The following KALRN variants were observed in gnomAD, a reference collection of about 807,000 sequenced individuals.
KALRN encodes kalirin RhoGEF kinase, also known as kalirin.
In KALRN, 70 loss-of-function variants were observed where a neutral mutation model predicts 353.7. The ratio of observed to expected loss-of-function variants is 0.20; its 90% CI spans 0.16 to 0.24. KALRN has a LOEUF of 0.24. Ranked by LOEUF, KALRN falls within the 10% of genes least tolerant of loss-of-function variation. The pLI, the probability that KALRN is intolerant of heterozygous loss-of-function variation, is 1.00. For missense variants in KALRN, 2,791 were observed against 3,756.7 expected, an observed-to-expected ratio of 0.74 and a Z score of 6.72; for synonymous variants, 1,391 against 1,434.8, an observed-to-expected ratio of 0.97 and a Z score of 0.69.
intron 36 of KALRN, among the ~76,000 whole-genome samples, chr3:124,634,565 C>T (rs1004149297): frequency 1.3e-5 from 2 of 152,184 alleles, no homozygotes; most frequent in African/African-American, 4.8e-5. Flanking sequence ...CTCCAGTCAC[C>T]CGGTGATCAT....
rs773926769 is a variant in KALRN, at chr3:124,650,955, G to T, written c.5795+17G>T. ...AGGCAGGATGTAAGTGGCTTCCCCA[G>T]TTCCTCCCTGTGGTGCACATGTGAG... On this transcript the variant is annotated intron_variant, in intron 38 of 59. Transcript: ENST00000682506. 6.2e-6 allele frequency: 10 copies of T among 1,613,570 alleles called. No individual in the cohort carries two copies. Among genetic ancestry groups the T allele is most frequent in the Admixed American group, 1.7e-5 (1 of 59,984 alleles).
chr3:124,711,472 T>C (rs2062884900), intron 57 of KALRN, among the ~76,000 whole-genome samples: 1 of 152,192 alleles, frequency 6.6e-6, no homozygotes, highest in South Asian at 2.1e-4. Flanking sequence ...AATGGGCTGG[T>C]CTTCAGACTG....
intron 25 of KALRN, among the ~76,000 whole-genome samples, chr3:124,470,514 C>A (rs2060781019): frequency 7.7e-6 from 1 of 130,384 alleles, no homozygotes; most frequent in African/African-American, 3.0e-5. Context: ...GTATGCCTGG[C>A]ACAAGCTGAA....
At chr3:124,078,785 C>T (rs915993311) in intron 1 of KALRN, among the ~76,000 whole-genome samples, 1 of 152,156 alleles carries the variant, frequency 6.6e-6, no homozygotes, top group Non-Finnish European at 1.5e-5. Flanking sequence ...AGAAATACTT[C>T]CTTAGTACTA....
chr3:124,254,943 T>TAC (rs1419665557), intron 3 of KALRN, among the ~76,000 whole-genome samples: 1 of 123,434 alleles, frequency 8.1e-6, no homozygotes, highest in Non-Finnish European at 1.8e-5. Flanking sequence ...GTCTGAAGTA[T>TAC]ATATATATAT....
At chr3:124,592,819 C>T (rs2075933029) in intron 34 of KALRN, among the ~76,000 whole-genome samples, 2 of 152,226 alleles carry the variant, frequency 1.3e-5, no homozygotes, top group Non-Finnish European at 2.9e-5. Context: ...GGAGGGGAAC[C>T]CTGGTTACAC....
chr3:124,347,114 C>A (rs2082332292), intron 9 of KALRN, 29 bp from the exon 10 acceptor site: 1 of 1,613,416 alleles, frequency 6.2e-7, no homozygotes, highest in Non-Finnish European at 8.5e-7. Flanking sequence ...GCTAGAAAGT[C>A]ATTGTTGCTG....
chr3:124,632,315 T>C, intron 34 of KALRN, 105 bp from the exon 35 acceptor site: 3 of 1,137,082 alleles, frequency 2.6e-6, no homozygotes, highest in Non-Finnish European at 3.9e-6. Context: ...GGCCTGGACA[T>C]TCTGCCTTGT....
chr3:124,213,491 A>G (rs2150527863), intron 1 of KALRN, among the ~76,000 whole-genome samples: 1 of 152,248 alleles, frequency 6.6e-6, no homozygotes, highest in South Asian at 2.1e-4. Flanking sequence ...AGCCCAACCC[A>G]TTATTTATCT....
chr3:124,465,749 C>T (rs2060272288), intron 25 of KALRN, among the ~76,000 whole-genome samples: 1 of 152,124 alleles, frequency 6.6e-6, no homozygotes, highest in African/African-American at 2.4e-5. Flanking sequence ...CTAACGGAAA[C>T]ATGCTCCTCT....
intron 1 of KALRN, among the ~76,000 whole-genome samples, chr3:124,218,143 A>G (rs2077526875): frequency 6.6e-6 from 1 of 152,170 alleles, no homozygotes; most frequent in Admixed American, 6.5e-5. Flanking sequence ...TGAGGGGAGA[A>G]GCATCCAAGA....
chr3:124,623,429 A>ACACACACACACACACACACAC (rs1561450939), intron 34 of KALRN, among the ~76,000 whole-genome samples: 1 of 83,058 alleles, frequency 1.2e-5, no homozygotes, highest in Non-Finnish European at 2.2e-5. Context: ...CACACACACA[A>ACACACACACACACACACACAC]AAGGGAGTTT....
At chr3:124,394,983 TA>T (rs931734665) in intron 11 of KALRN, 151 bp from the exon 12 acceptor site, 11 of 598,120 alleles carry the variant, frequency 1.8e-5, no homozygotes, top group Non-Finnish European at 3.0e-5. Flanking sequence ...AATATAAATG[TA>T]AAAACACAAA....
intron 7 of KALRN, among the ~76,000 whole-genome samples, chr3:124,327,810 C>A (rs1394175090): frequency 6.6e-6 from 1 of 152,064 alleles, no homozygotes; most frequent in Non-Finnish European, 1.5e-5. Flanking sequence ...CCTCTGTTAC[C>A]CTCTCTAGTG....
intron 34 of KALRN, among the ~76,000 whole-genome samples, chr3:124,572,728 T>G (rs1170199579): frequency 6.6e-6 from 1 of 152,216 alleles, no homozygotes; most frequent in Non-Finnish European, 1.5e-5. Flanking sequence ...AAACAAAAGT[T>G]GTCTGTGGCT....
At chr3:124,576,736 T>C (rs933922043) in intron 34 of KALRN, among the ~76,000 whole-genome samples, 5 of 152,210 alleles carry the variant, frequency 3.3e-5, no homozygotes, top group Non-Finnish European at 7.3e-5. Context: ...TCCGTGAATG[T>C]ACATGCTGCT....
At chr3:124,207,644 T>G (rs2076528794) in intron 1 of KALRN, among the ~76,000 whole-genome samples, 1 of 152,186 alleles carries the variant, frequency 6.6e-6, no homozygotes, top group Non-Finnish European at 1.5e-5. Flanking sequence ...CTTTATCCTT[T>G]CCTAGCTCTA....
At chr3:124,364,323 C>T (rs504918) in intron 10 of KALRN, among the ~76,000 whole-genome samples, 93,060 of 152,054 alleles carry the variant, frequency 0.61, 28,788 homozygotes, top group East Asian at 0.89. Context: ...AGAAAATTAG[C>T]TGAATGATGG....
chr3:124,122,191 G>A (rs2064105579), intron 1 of KALRN, among the ~76,000 whole-genome samples: 1 of 152,158 alleles, frequency 6.6e-6, no homozygotes, highest in African/African-American at 2.4e-5. Flanking sequence ...TGCTTTCTGG[G>A]CAGTGGAGCT....
Sources: allele counts gnomAD v4.1 joint callset (sites outside exome capture counted in the v4.1 genomes callset), GRCh38; gene constraint gnomAD v4.1.1; transcripts MANE v1.5; gene names NCBI Gene and HGNC (gene_info 2026-07-23, HGNC 2026-07-21).